The following ZNF385D variants were observed in gnomAD, a reference collection of about 807,000 sequenced individuals.
The protein encoded by ZNF385D is zinc finger protein 659.
Under a neutral mutation model 35.8 loss-of-function variants are expected in ZNF385D, and 15 were observed. The observed-to-expected ratio is 0.42, with a 90% CI of 0.28 to 0.64. The LOEUF is 0.64. Ranked by LOEUF, ZNF385D falls within the 30% of genes least tolerant of loss-of-function variation. The probability of loss-of-function intolerance (pLI) is 0.23; values close to 1 mark genes in which losing one functional copy is unlikely to be tolerated. For synonymous variants in ZNF385D, 212 were observed against 186.8 expected (o/e 1.13, Z -1.10); for missense variants, 474 against 494.6 (o/e 0.96, Z 0.39).
At chr3:22,303,571 T>A (rs1172043380) in intron 2 of ZNF385D, among the ~76,000 whole-genome samples, 1 of 152,154 alleles carries the variant, frequency 6.6e-6, no homozygotes, top group Non-Finnish European at 1.5e-5. Flanking sequence ...ATACTGCAGC[T>A]TTTTGTTTTC....
chr3:22,119,764 C>A (rs1249936751), intron 3 of ZNF385D, among the ~76,000 whole-genome samples: 1 of 152,132 alleles, frequency 6.6e-6, no homozygotes, highest in African/African-American at 2.4e-5. Flanking sequence ...GATTTCTCTG[C>A]TGAACTGTTT....
chr3:22,298,598 G>T (rs1283285358), intron 2 of ZNF385D, among the ~76,000 whole-genome samples: 1 of 146,660 alleles, frequency 6.8e-6, no homozygotes, highest in Non-Finnish European at 1.5e-5. Context: ...ACTATCCACA[G>T]CTCCCTCTCA....
intron 3 of ZNF385D, among the ~76,000 whole-genome samples, chr3:22,041,959 T>A (rs908222423): frequency 6.6e-6 from 1 of 152,168 alleles, no homozygotes; most frequent in African/African-American, 2.4e-5. Context: ...GGTGGCTGAA[T>A]TAAGACCAGT....
intron 3 of ZNF385D, among the ~76,000 whole-genome samples, chr3:21,962,806 G>T (rs1322647602): frequency 6.6e-6 from 1 of 152,124 alleles, no homozygotes; most frequent in Non-Finnish European, 1.5e-5. Flanking sequence ...GTTTCCTGAT[G>T]AGGGAACATT....
At chr3:22,286,033 A>T (rs774171481) in intron 2 of ZNF385D, among the ~76,000 whole-genome samples, 1 of 152,158 alleles carries the variant, frequency 6.6e-6, no homozygotes, top group Non-Finnish European at 1.5e-5. Context: ...GCTATGAAAT[A>T]AAGACACACA....
At chr3:21,552,543 T>A (rs1470775957) in intron 3 of ZNF385D, among the ~76,000 whole-genome samples, 1 of 152,206 alleles carries the variant, frequency 6.6e-6, no homozygotes, top group Non-Finnish European at 1.5e-5. Context: ...AAACATTAGA[T>A]CTTCTATTGA....
intron 3 of ZNF385D, among the ~76,000 whole-genome samples, chr3:21,898,654 C>A (rs1699256498): frequency 6.6e-6 from 1 of 152,088 alleles, no homozygotes; most frequent in Non-Finnish European, 1.5e-5. Context: ...GTAACACAAG[C>A]CAACTAAAGA....
rs138497420 is a variant in ZNF385D, at chr3:21,884,372, C to T, written c.326-219344G>A. 4.6e-3 allele frequency among the ~76,000 whole-genome samples: 699 copies of T among 152,066 alleles called. 6 individuals carry two copies. The highest frequency in any genetic ancestry group is 0.015 in the African/African-American group (632 of 41,518). On this transcript the variant is annotated intron_variant, in intron 3 of 5. Transcript: ENST00000494108. Reference sequence around the variant, plus strand: ...TGGAATTGTTATCTGAGTGCTTCTCCTAATGTCTATCTGACATCTAACTTT... The same window carrying T: ...TGGAATTGTTATCTGAGTGCTTCTCTTAATGTCTATCTGACATCTAACTTT...
upstream of ZNF385D, among the ~76,000 whole-genome samples, chr3:21,753,629 G>A (rs1177606212): frequency 6.6e-6 from 1 of 152,220 alleles, no homozygotes; most frequent in African/African-American, 2.4e-5. Context: ...TATCTGGAAT[G>A]TAGAAGCTTA....
intron 2 of ZNF385D, among the ~76,000 whole-genome samples, chr3:22,239,814 T>C (rs193215822): frequency 6.6e-6 from 1 of 151,000 alleles, no homozygotes; most frequent in Non-Finnish European, 1.5e-5. Flanking sequence ...GAGTTTTTCA[T>C]ATAATGCAGA....
chr3:21,764,891 T>C (rs1008784923), intron 3 of ZNF385D, among the ~76,000 whole-genome samples: 15 of 152,108 alleles, frequency 9.9e-5, no homozygotes, highest in Non-Finnish European at 5.9e-5. Flanking sequence ...TTTTTTCCAA[T>C]TGTCCACTTC....
At chr3:22,341,006 A>G (rs1206035624) in intron 2 of ZNF385D, among the ~76,000 whole-genome samples, 1 of 152,214 alleles carries the variant, frequency 6.6e-6, no homozygotes, top group East Asian at 1.9e-4. Flanking sequence ...TAACTTCATC[A>G]CCATTAAGGT....
intron 3 of ZNF385D, among the ~76,000 whole-genome samples, chr3:21,982,253 G>A (rs1298896475): frequency 6.6e-6 from 1 of 151,840 alleles, no homozygotes; most frequent in Non-Finnish European, 1.5e-5. Flanking sequence ...ATTTCTTTGA[G>A]CAATGTTTTG....
intron 2 of ZNF385D, among the ~76,000 whole-genome samples, chr3:22,321,780 G>T (rs28688811): frequency 0.56 from 84,677 of 151,958 alleles, 24,478 homozygotes; most frequent in African/African-American, 0.69. Context: ...TTGCTGGTGT[G>T]AACAAGTTAC....
At chr3:21,597,341 A>G (rs2064155189) in intron 2 of ZNF385D, among the ~76,000 whole-genome samples, 1 of 150,922 alleles carries the variant, frequency 6.6e-6, no homozygotes, top group Non-Finnish European at 1.5e-5. Context: ...TTTTCAACGT[A>G]TGTTAAAAAC....
chr3:22,173,087 T>A (rs1694576533), intron 2 of ZNF385D, among the ~76,000 whole-genome samples: 1 of 152,194 alleles, frequency 6.6e-6, no homozygotes, highest in East Asian at 1.9e-4. Flanking sequence ...TGATCTTCCT[T>A]ACAGAAATAA....
intron 2 of ZNF385D, among the ~76,000 whole-genome samples, chr3:22,226,781 C>T (rs542992154): frequency 2.0e-5 from 3 of 152,230 alleles, no homozygotes; most frequent in South Asian, 2.1e-4. Context: ...TCTTGCTTTT[C>T]TCTGTACCCC....
At chr3:22,274,431 ATAAGT>A in intron 2 of ZNF385D, among the ~76,000 whole-genome samples, 1 of 152,074 alleles carries the variant, frequency 6.6e-6, no homozygotes, top group East Asian at 1.9e-4. Context: ...TATTGAGACA[ATAAGT>A]TTAATAGAAA....
chr3:21,468,617 A>G (rs1703678146), intron 4 of ZNF385D, among the ~76,000 whole-genome samples: 1 of 152,032 alleles, frequency 6.6e-6, no homozygotes, highest in Non-Finnish European at 1.5e-5. Flanking sequence ...AGCAAGAGAT[A>G]CTGGTCACAA....
Sources: allele counts gnomAD v4.1 joint callset (sites outside exome capture counted in the v4.1 genomes callset), GRCh38; gene constraint gnomAD v4.1.1; transcripts MANE v1.5; gene names NCBI Gene and HGNC (gene_info 2026-07-23, HGNC 2026-07-21).